The following EML6 variants were observed in gnomAD, a reference collection of about 807,000 sequenced individuals.
EML6 encodes the protein EMAP like 6.
Under a neutral mutation model 240.1 loss-of-function variants are expected in EML6, and 154 were observed. That is an observed-to-expected ratio of 0.64 (90% CI 0.56 to 0.73). The LOEUF (loss-of-function observed/expected upper bound fraction) is 0.73. Ranked by LOEUF, EML6 falls within the 30% of genes least tolerant of loss-of-function variation. The pLI is 0.00. For synonymous variants in EML6, 1,148 were observed against 899.0 expected (o/e 1.28, Z -4.95); for missense variants, 2,964 against 2,474.6 (o/e 1.20, Z -4.20).
chr2:54,941,017 A>G (rs900024384), intron 28 of EML6, among the ~76,000 whole-genome samples: 12 of 152,260 alleles, frequency 7.9e-5, no homozygotes, highest in Non-Finnish European at 2.9e-5. Flanking sequence ...GGTTTCCTTC[A>G]GTCACCAAAT....
chr2:54,846,923 A>AATTTTTTTTTTTTTTT (rs1669791084), intron 8 of EML6, among the ~76,000 whole-genome samples: 1 of 129,912 alleles, frequency 7.7e-6, no homozygotes, highest in Non-Finnish European at 1.6e-5. Context: ...ATGAAGTAGT[A>AATTTTTTTTTTTTTTT]TTTTTTTTTT....
At chr2:54,957,373 G>T (rs1031311475) in intron 32 of EML6, among the ~76,000 whole-genome samples, 3 of 113,444 alleles carry the variant, frequency 2.6e-5, no homozygotes, top group East Asian at 2.8e-4. Context: ...AAAAAAAAAA[G>T]CTCTCTAGAG....
At chr2:54,802,985 G>A (rs1670260581) in intron 2 of EML6, among the ~76,000 whole-genome samples, 1 of 152,116 alleles carries the variant, frequency 6.6e-6, no homozygotes, top group Non-Finnish European at 1.5e-5. Context: ...TCCAGTTCTG[G>A]GAACTTGGGA....
intron 7 of EML6, among the ~76,000 whole-genome samples, chr2:54,841,512 G>T (rs150916678): frequency 3.3e-3 from 503 of 151,430 alleles, no homozygotes; most frequent in African/African-American, 0.012. Flanking sequence ...CAAGATTATA[G>T]TTAGGATGTC....
chr2:54,891,298 G>A (rs545725400), intron 18 of EML6, 144 bp downstream of exon 18: 34 of 501,548 alleles, frequency 6.8e-5, no homozygotes, highest in East Asian at 5.6e-4. Flanking sequence ...TCCCAAGTTC[G>A]CTTAGAACGC....
At chr2:54,922,583 C>G (rs1422078968) in intron 26 of EML6, among the ~76,000 whole-genome samples, 1 of 152,178 alleles carries the variant, frequency 6.6e-6, no homozygotes, top group African/African-American at 2.4e-5. Context: ...GAAGAGATAT[C>G]TACACCACCA....
intron 2 of EML6, among the ~76,000 whole-genome samples, chr2:54,733,387 G>C (rs1266673723): frequency 3.9e-5 from 6 of 152,172 alleles, no homozygotes; most frequent in African/African-American, 1.4e-4. Context: ...CTAAGTAAGG[G>C]ATCATCAGTT....
chr2:54,735,212 C>T (rs1683339862), intron 2 of EML6, among the ~76,000 whole-genome samples: 1 of 152,250 alleles, frequency 6.6e-6, no homozygotes, highest in Non-Finnish European at 1.5e-5. Flanking sequence ...GGCTACCATG[C>T]ACGTTCCTCC....
Position 54,770,051 on chromosome 2 carries a change from A to T in EML6, c.198-43181A>T, listed in dbSNP as rs1163870252. 5.9e-5 allele frequency among the ~76,000 whole-genome samples: 9 copies of T among 152,184 alleles called. No individual in the cohort carries two copies. In the East Asian group the frequency reaches 1.7e-3, roughly 29 times the overall value. On this transcript the variant is annotated intron_variant, in intron 2 of 41. Transcript: ENST00000356458. ...TGCATTCTGTGGACTGATATGAAGA[A>T]GCCCTTTAATATTTTTCAGTAAAAT...
chr2:54,863,183 A>T (rs547065370), intron 12 of EML6, among the ~76,000 whole-genome samples: 4 of 152,342 alleles, frequency 2.6e-5, no homozygotes, highest in African/African-American at 9.6e-5. Context: ...CATGGTTAAA[A>T]GGCTAAAGAG....
At chr2:54,946,543 C>G (rs1199743647) in intron 28 of EML6, among the ~76,000 whole-genome samples, 1 of 152,202 alleles carries the variant, frequency 6.6e-6, no homozygotes, top group East Asian at 1.9e-4. Flanking sequence ...CAGTGTTTGG[C>G]TACGTGTGAA....
chr2:54,849,901 T>C, intron 9 of EML6, 61 bp from the exon 10 acceptor site: 1 of 1,408,552 alleles, frequency 7.1e-7, no homozygotes, highest in Non-Finnish European at 9.7e-7. Context: ...ACATATATTT[T>C]AAAACTTGGA....
At position 54,829,447 on chromosome 2, in the gene EML6, G is replaced by C. The variant is rs1456061099; in HGVS notation, c.817G>C (p.Asp273His). ...TGATTTCAAACCAATAACCAAAATT[G>C]ATCTCAGGGAGACAGAACAAGGATA... is the stretch of plus-strand genomic sequence containing the variant. ...DTDFKPITKI[D>H]LRETEQGYKG... Residue 273 changes from aspartate (D) to histidine (H), a missense_variant, in exon 7 of 42, where the codon GAT becomes CAT. Transcript: ENST00000356458. 6.4e-7 allele frequency: 1 copy of C among 1,551,666 alleles called. No homozygotes were observed. Among genetic ancestry groups the C allele is most frequent in the Non-Finnish European group, 8.7e-7 (1 of 1,146,726 alleles).
Position 54,816,773 on chromosome 2 carries a change from G to T in EML6, c.358-14G>T. ...CATCACTTTTAGGTACTAAATTATT[G>T]TTCTTATTCTTAGCGTTTAGCCTCT... On this transcript the variant is annotated splice_polypyrimidine_tract_variant and intron_variant, in intron 3 of 41. Transcript: ENST00000356458. 3 of 1,534,866 alleles carry T rather than the reference G, an allele frequency of 2.0e-6. No homozygotes were observed. The highest frequency in any genetic ancestry group is 2.7e-6 in the Non-Finnish European group (3 of 1,131,792).
intron 2 of EML6, among the ~76,000 whole-genome samples, chr2:54,769,626 T>C (rs189349120): frequency 5.3e-4 from 80 of 152,302 alleles, no homozygotes; most frequent in African/African-American, 1.9e-3. Context: ...AGTGTACAAC[T>C]TGATGAGTTT....
chr2:54,872,280 C>T (rs896769214), intron 16 of EML6, among the ~76,000 whole-genome samples: 1 of 152,096 alleles, frequency 6.6e-6, no homozygotes, highest in Admixed American at 6.6e-5. Context: ...TTAATAATTG[C>T]AACTGTAGAA....
At chr2:54,826,784 C>G (rs1211560374) in intron 5 of EML6, among the ~76,000 whole-genome samples, 1 of 152,148 alleles carries the variant, frequency 6.6e-6, no homozygotes, top group African/African-American at 2.4e-5. Context: ...GGAAATATAA[C>G]TCATATTTAT....
intron 16 of EML6, among the ~76,000 whole-genome samples, chr2:54,873,317 A>G (rs1366004200): frequency 6.6e-6 from 1 of 152,236 alleles, no homozygotes; most frequent in Non-Finnish European, 1.5e-5. Flanking sequence ...GTAAAAATCA[A>G]GGTTAAACAG....
rs530790188 is a variant in EML6, at chr2:54,876,437, G to A, written c.2345-3110G>A. On this transcript the variant is annotated intron_variant, in intron 16 of 41. Coordinates refer to ENST00000356458, the MANE Select transcript of EML6 (RefSeq NM_001039753.4). ...TACCTTTTTTTGGTTTAGAAAGGTG[G>A]TATAACAGTGAGGATAAGCTGACAG... is the stretch of plus-strand genomic sequence containing the variant. Among the ~76,000 whole-genome samples the A allele has an allele frequency of 1.8e-4, 28 of 152,268 alleles. No homozygotes were observed. In the South Asian group the frequency reaches 5.8e-3, roughly 32 times the overall value.
Sources: allele counts gnomAD v4.1 joint callset (sites outside exome capture counted in the v4.1 genomes callset), GRCh38; gene constraint gnomAD v4.1.1; transcripts MANE v1.5; gene names NCBI Gene and HGNC (gene_info 2026-07-23, HGNC 2026-07-21).